The following TRIM5 variants were observed in gnomAD, a reference collection of about 807,000 sequenced individuals.
The protein encoded by TRIM5 is tripartite motif-containing protein 5.
A neutral mutation model predicts 35.6 loss-of-function variants in TRIM5; 31 were observed. That is an observed-to-expected ratio of 0.87 (90% CI 0.65 to 1.18). TRIM5 has a LOEUF of 1.18. TRIM5 is among the 50% of genes most tolerant of loss of function. TRIM5 has a pLI of 0.00. For synonymous variants in TRIM5, 243 were observed against 215.6 expected (o/e 1.13, Z -1.11); for missense variants, 609 against 591.6 (o/e 1.03, Z -0.31).
chr11:5,618,571 T>C, the TRIM5 span, among the ~76,000 whole-genome samples: 1 of 152,130 alleles, frequency 6.6e-6, no homozygotes. Flanking sequence ...ATAAAATCAT[T>C]TCATATGCAA....
At chr11:5,634,589 C>T in the TRIM5 span, 1 of 1,550,926 alleles carries the variant, frequency 6.4e-7, no homozygotes, top group Admixed American at 1.8e-5. Context: ...TAGGCCTTAG[C>T]CTGACAAACT....
chr11:5,615,697 G>A, the TRIM5 span, among the ~76,000 whole-genome samples: 1 of 151,390 alleles, frequency 6.6e-6, no homozygotes, highest in Non-Finnish European at 1.5e-5. Context: ...GGGTTTAAGT[G>A]ATTCTCCTGC....
the TRIM5 span, among the ~76,000 whole-genome samples, chr11:5,621,820 G>A: frequency 3.3e-4 from 51 of 152,240 alleles, no homozygotes; most frequent in African/African-American, 1.2e-3. Flanking sequence ...ACCAACCTGT[G>A]ACCTGGAAGC....
the TRIM5 span, among the ~76,000 whole-genome samples, chr11:5,599,476 T>C: frequency 6.6e-6 from 1 of 152,146 alleles, no homozygotes; most frequent in Non-Finnish European, 1.5e-5. Flanking sequence ...CGATCTCGAC[T>C]CACTGCAAGC....
Position 5,679,163 on chromosome 11 carries a change from G to C in TRIM5, c.424C>G (p.Leu142Val). The C allele has an allele frequency of 1.2e-6, 2 of 1,613,850 alleles. No individual in the cohort carries two copies. Among genetic ancestry groups the C allele is most frequent in the Non-Finnish European group, 1.7e-6 (2 of 1,179,862 alleles). Residue 142 changes from leucine to valine, a missense_variant, in exon 3 of 8, where the codon CTC (leucine) becomes GTC (valine). Physicochemically the swap from Leu to Val is conservative, Grantham distance 32. Transcript: ENST00000380034. The stretch of plus-strand genomic sequence containing the variant: ...CTCAGCATCTCCAGAGCTGCCTGGA[G>C]CTTCACCTGTGAGAAAGGAATCACA... ...EEVAREYQVK[L>V]QAALEMLRQK...
the TRIM5 span, chr11:5,596,614 C>A: frequency 3.5e-6 from 1 of 284,300 alleles, no homozygotes; most frequent in Admixed American, 6.0e-5. Context: ...TTATCCCCCA[C>A]CCCAGGCGGC....
chr11:5,653,481 T>G, the TRIM5 span, among the ~76,000 whole-genome samples: 4 of 149,660 alleles, frequency 2.7e-5, no homozygotes, highest in East Asian at 1.9e-4. Context: ...TTTCCGATTT[T>G]TTTTTGTTTT....
chr11:5,612,984 C>T, the TRIM5 span: 21 of 152,068 alleles, frequency 1.4e-4, no homozygotes, highest in Non-Finnish European at 2.8e-4. Flanking sequence ...AATGTGGATA[C>T]TAGAAACCTT....
In TRIM5 at chr11:5,665,317, G is replaced by T. The variant is rs765919035; in HGVS notation, c.974C>A (p.Pro325Gln). 11 of 1,613,922 alleles carry T rather than the reference G, an allele frequency of 6.8e-6. No individual in the cohort carries two copies. In the East Asian group the frequency reaches 1.8e-4, roughly 26 times the overall value. Residue 325 changes from proline to glutamine, a missense_variant, in exon 8 of 8, where the codon CCA becomes CAA. Pro to Gln is a moderately conservative substitution (Grantham distance 76). Transcript: ENST00000380034. Reference sequence around the variant, plus strand: ...CCCTCGTGCCCCATATATTATCTGTGGTTTCGGAGAGCTCACTTGTCTCTT... The same window carrying T: ...CCCTCGTGCCCCATATATTATCTGTTGTTTCGGAGAGCTCACTTGTCTCTT... ...EDKRQVSSPK[P>Q]QIIYGARGTR...
the TRIM5 span, among the ~76,000 whole-genome samples, chr11:5,592,918 A>G: frequency 7.4e-6 from 1 of 134,758 alleles, no homozygotes; most frequent in Admixed American, 7.5e-5. Flanking sequence ...TTGTCTCAAA[A>G]AAAAAAAAAA....
chr11:5,598,364 T>C, the TRIM5 span, among the ~76,000 whole-genome samples: 1 of 152,114 alleles, frequency 6.6e-6, no homozygotes, highest in Non-Finnish European at 1.5e-5. Flanking sequence ...CTTACAAATC[T>C]TTTTTCTGCT....
chr11:5,668,073 C>T (rs549417588), intron 4 of TRIM5, among the ~76,000 whole-genome samples: 23 of 151,970 alleles, frequency 1.5e-4, no homozygotes, highest in Non-Finnish European at 3.1e-4. Context: ...AGATGTACAG[C>T]CTAGGCAACA....
chr11:5,637,005 G>A, the TRIM5 span, among the ~76,000 whole-genome samples: 1 of 152,052 alleles, frequency 6.6e-6, no homozygotes, highest in African/African-American at 2.4e-5. Flanking sequence ...AATTAGCCGG[G>A]CATTTTATAA....
At chr11:5,610,250 G>A in the TRIM5 span, 5 of 1,614,010 alleles carry the variant, frequency 3.1e-6, no homozygotes, top group South Asian at 1.1e-5. Flanking sequence ...GTAGAGGTAA[G>A]GAGATTCAGG....
At chr11:5,682,798 C>T (rs976293329) in intron 1 of TRIM5, among the ~76,000 whole-genome samples, 3 of 152,254 alleles carry the variant, frequency 2.0e-5, no homozygotes, top group African/African-American at 7.2e-5. Flanking sequence ...GTCCTTGCAG[C>T]CCTCACTCGC....
chr11:5,635,325 G>A, the TRIM5 span, among the ~76,000 whole-genome samples: 1 of 147,714 alleles, frequency 6.8e-6, no homozygotes, highest in Non-Finnish European at 1.5e-5. Flanking sequence ...GTGCGATCTC[G>A]GCTCACTGCA....
At chr11:5,655,762 A>T in the TRIM5 span, 2 of 840,222 alleles carry the variant, frequency 2.4e-6, no homozygotes, top group Non-Finnish European at 2.9e-6. Flanking sequence ...ATATAAAATC[A>T]TTCAGTGCTA....
the TRIM5 span, among the ~76,000 whole-genome samples, chr11:5,626,084 C>T: frequency 2.0e-5 from 3 of 152,216 alleles, no homozygotes; most frequent in African/African-American, 4.8e-5. Context: ...TTCACTGTAA[C>T]TGCCATCCTG....
the TRIM5 span, chr11:5,643,252 G>T: frequency 3.1e-6 from 5 of 1,613,840 alleles, no homozygotes; most frequent in Non-Finnish European, 4.2e-6. Context: ...TATAATTATG[G>T]TGTCTTGGGA....
Sources: allele counts gnomAD v4.1 joint callset (sites outside exome capture counted in the v4.1 genomes callset), GRCh38; gene constraint gnomAD v4.1.1; transcripts MANE v1.5; gene names NCBI Gene and HGNC (gene_info 2026-07-23, HGNC 2026-07-21).